DLG1: variants seen among roughly 807,000 people sequenced by gnomAD.
DLG1 encodes the protein disks large homolog 1.
In DLG1, 42 loss-of-function variants were observed where a neutral mutation model predicts 123.4. The observed-to-expected ratio is 0.34, with a 90% confidence interval of 0.27 to 0.44. The LOEUF is 0.44. Among genes scored for constraint, DLG1 ranks in the 20% least tolerant of loss-of-function variants. The pLI is 1.00. For missense variants in DLG1, 942 were observed against 1,082.6 expected (o/e 0.87, Z 1.82); for synonymous variants, 317 against 356.2 (o/e 0.89, Z 1.24).
chr3:197,195,940 A>AG (rs1332038526), intron 4 of DLG1, among the ~76,000 whole-genome samples: 1 of 151,928 alleles, frequency 6.6e-6, no homozygotes, highest in African/African-American at 2.4e-5. Context: ...CTTTAGTGAG[A>AG]GAAAAAAAAA....
intron 4 of DLG1, among the ~76,000 whole-genome samples, chr3:197,219,623 C>T (rs1397164947): frequency 2.0e-5 from 3 of 152,096 alleles, no homozygotes; most frequent in African/African-American, 7.2e-5. Flanking sequence ...TATCTTTATT[C>T]GAAGACAAGG....
intron 4 of DLG1, among the ~76,000 whole-genome samples, chr3:197,245,955 CTG>C (rs1751536844): frequency 6.9e-6 from 1 of 144,246 alleles, no homozygotes. Flanking sequence ...GATTAATTAA[CTG>C]TGGACAAGGT....
chr3:197,255,630 T>C (rs987037784), intron 4 of DLG1, among the ~76,000 whole-genome samples: 5 of 152,048 alleles, frequency 3.3e-5, no homozygotes, highest in African/African-American at 9.7e-5. Flanking sequence ...ATTCCCACCA[T>C]GGAATATTAC....
chr3:197,170,300 G>A (rs1803502422), intron 5 of DLG1, among the ~76,000 whole-genome samples: 1 of 152,118 alleles, frequency 6.6e-6, no homozygotes, highest in African/African-American at 2.4e-5. Flanking sequence ...GGGTTGAATT[G>A]TATTTCTGTT....
chr3:197,059,292 T>C (rs1734143949), intron 23 of DLG1, among the ~76,000 whole-genome samples: 1 of 152,204 alleles, frequency 6.6e-6, no homozygotes, highest in Admixed American at 6.5e-5. Flanking sequence ...CATATAAAAA[T>C]CAGCCTAGTT....
chr3:197,069,007 TA>T lies in DLG1; in HGVS notation c.2047+211del, dbSNP rs1352222917. Among the ~76,000 whole-genome samples the T allele has an allele frequency of 7.4e-5, 9 of 120,906 alleles. No homozygotes were observed. In the South Asian group the frequency reaches 1.0e-3, roughly 14 times the overall value. The allele number at this position is 120,906 out of a possible 152,430, so 79.3% of individuals were successfully genotyped here. A position where few individuals can be genotyped will look rare whatever the true frequency, so the allele number is the denominator to read the frequency against. ...ACATATGTATCATGTACACAAATAATATTTTTATTTTATTAAAATTTTATAA... is the reference window on the plus strand; with the variant it reads ...ACATATGTATCATGTACACAAATAATTTTTTATTTTATTAAAATTTTATAA... On this transcript the variant is annotated intron_variant, in intron 19 of 24. Coordinates refer to ENST00000667157, the MANE Select transcript of DLG1 (RefSeq NM_001366207.1).
chr3:197,084,447 G>A (rs1265664562), intron 16 of DLG1, among the ~76,000 whole-genome samples: 1 of 151,612 alleles, frequency 6.6e-6, no homozygotes. Flanking sequence ...AAGTAGCTGC[G>A]ATTACAGGCG....
intron 11 of DLG1, among the ~76,000 whole-genome samples, chr3:197,129,057 G>A (rs1309303283): frequency 6.6e-6 from 1 of 152,176 alleles, no homozygotes; most frequent in Admixed American, 6.5e-5. Context: ...AAAATCACCA[G>A]CTGCATTAGC....
intron 4 of DLG1, among the ~76,000 whole-genome samples, chr3:197,243,854 C>A (rs1750232670): frequency 1.3e-5 from 2 of 152,174 alleles, no homozygotes; most frequent in African/African-American, 4.8e-5. Context: ...CCTCGTGGGA[C>A]TCCAACGGCG....
chr3:197,080,080 C>T (rs1749893438), intron 17 of DLG1, among the ~76,000 whole-genome samples: 1 of 151,444 alleles, frequency 6.6e-6, no homozygotes. Context: ...TCCAGGCTTA[C>T]TGCTAGAATA....
chr3:197,178,853 T>C (rs1403865465), intron 5 of DLG1, among the ~76,000 whole-genome samples: 3 of 152,136 alleles, frequency 2.0e-5, no homozygotes, highest in African/African-American at 7.2e-5. Flanking sequence ...ACGAGGGTTT[T>C]TTGGATGGTT....
intron 4 of DLG1, among the ~76,000 whole-genome samples, chr3:197,201,997 TGGAGGGGTG>T (rs755952062): frequency 1.2e-4 from 15 of 127,582 alleles, no homozygotes; most frequent in East Asian, 6.6e-4. Flanking sequence ...CTTGCAGGGG[TGGAGGGGTG>T]GGAGGGGTGG....
chr3:197,136,899 C>T (rs886756445), intron 9 of DLG1, among the ~76,000 whole-genome samples: 4 of 152,176 alleles, frequency 2.6e-5, no homozygotes, highest in Non-Finnish European at 4.4e-5. Context: ...CCCACATGTT[C>T]CTTCTTAGTA....
chr3:197,100,262 T>C (rs1391410173), intron 14 of DLG1, among the ~76,000 whole-genome samples: 2 of 152,180 alleles, frequency 1.3e-5, no homozygotes, highest in East Asian at 1.9e-4. Context: ...GAAGTAATAA[T>C]GAAAATAAAG....
intron 18 of DLG1, among the ~76,000 whole-genome samples, chr3:197,073,844 C>T (rs1443674770): frequency 1.3e-5 from 2 of 151,848 alleles, no homozygotes; most frequent in Non-Finnish European, 2.9e-5. Context: ...CATTTCTCTT[C>T]AATAGGTTCG....
chr3:197,155,396 G>C (rs1172693424), intron 5 of DLG1, among the ~76,000 whole-genome samples: 1 of 152,148 alleles, frequency 6.6e-6, no homozygotes, highest in Non-Finnish European at 1.5e-5. Context: ...AAAGCTGAGG[G>C]AGTTTGTTAT....
At chr3:197,145,055 T>A (rs79926367) in intron 6 of DLG1, among the ~76,000 whole-genome samples, 20,017 of 148,568 alleles carry the variant, frequency 0.13, 1,838 homozygotes, top group African/African-American at 0.26. Flanking sequence ...TCTCTCTCTC[T>A]CACACACACA....
intron 24 of DLG1, among the ~76,000 whole-genome samples, chr3:197,047,392 T>TAAGTC (rs1202496875): frequency 1.3e-5 from 2 of 152,182 alleles, no homozygotes; most frequent in African/African-American, 4.8e-5. Flanking sequence ...AACTTCTATT[T>TAAGTC]AAGTCTGAAA....
intron 18 of DLG1, among the ~76,000 whole-genome samples, chr3:197,075,244 A>G (rs1746407022): frequency 1.3e-5 from 2 of 151,606 alleles, no homozygotes; most frequent in South Asian, 4.2e-4. Context: ...CAAAAACCAA[A>G]AACAAAGGCA....
Sources: gnomAD v4.1 joint callset for allele counts (sites outside exome capture counted in the v4.1 genomes callset) on GRCh38, gnomAD v4.1.1 for gene constraint, MANE v1.5 for transcripts, NCBI Gene and HGNC (gene_info 2026-07-23, HGNC 2026-07-21) for gene names.